The following USP43 variants were observed in gnomAD, a reference collection of about 807,000 sequenced individuals.
The protein encoded by USP43 is ubiquitin carboxyl-terminal hydrolase 43.
USP43 carries 33 observed loss-of-function variants against 90.7 expected under a neutral mutation model. That is an observed-to-expected ratio of 0.36 (90% CI 0.28 to 0.49). USP43 has a LOEUF of 0.49. Among genes scored for constraint, USP43 ranks in the 20% least tolerant of loss-of-function variants. The pLI is 0.98. For synonymous variants in USP43, 598 were observed against 615.8 expected (o/e 0.97, Z 0.43); for missense variants, 1,274 against 1,476.4 (o/e 0.86, Z 2.25).
At position 9,656,421 on chromosome 17, in the gene USP43, G is replaced by A. The variant is rs1247839747; in HGVS notation, c.523G>A (p.Gly175Ser). Reference protein sequence around the residue: ...AEFKNAVSKYGSQFQGNSQHD... With the variant: ...AEFKNAVSKYSSQFQGNSQHD... ...CTTTCAGAATGCAGTTTCCAAGTAC[G>A]GCTCTCAGTTCCAAGGCAATTCCCA... Residue 175 changes from glycine to serine, a missense_variant, in exon 2 of 15, where the codon GGC (glycine) becomes AGC (serine). Physicochemically the swap from Gly to Ser is moderately conservative, Grantham distance 56 (BLOSUM62 0). Around this residue, in one of 6 missense-constraint regions of USP43, gnomAD observed 259 missense variants for 373.7 expected, o/e 0.69. Coordinates refer to ENST00000285199, the MANE Select transcript of USP43 (RefSeq NM_153210.5). 13 of 1,610,774 alleles carry A rather than the reference G, an allele frequency of 8.1e-6. No homozygotes were observed. The highest frequency in any genetic ancestry group is 5.0e-5 in the Admixed American group (3 of 59,530).
intron 2 of USP43, among the ~76,000 whole-genome samples, chr17:9,657,961 A>T (rs185376469): frequency 6.6e-6 from 1 of 152,366 alleles, no homozygotes; most frequent in East Asian, 1.9e-4. Flanking sequence ...ATGAGTGAGC[A>T]AAGTTATTTT....
rs926831788 is a variant in USP43, at chr17:9,709,840, A to G, written c.2012-116A>G. On this transcript the variant is annotated intron_variant, in intron 12 of 14. Transcript: ENST00000285199. This position sits in a 1 kb window ranked among gnomAD's most constrained non-coding sequence, Gnocchi z 5.0. Reference sequence around the variant, plus strand: ...AAAATTCATTTCTGGCCAAAAATGGACTGTTTTTTTCTCATTCTGGTTTAA... The same window carrying G: ...AAAATTCATTTCTGGCCAAAAATGGGCTGTTTTTTTCTCATTCTGGTTTAA... 63 of 1,136,620 alleles carry G rather than the reference A, an allele frequency of 5.5e-5. No homozygotes were observed. Among genetic ancestry groups the G allele is most frequent in the Non-Finnish European group, 7.0e-5 (62 of 883,816 alleles). The allele number at this position is 1,136,620 out of a possible 1,614,324, so 70.4% of individuals were successfully genotyped here. A position where few individuals can be genotyped will look rare whatever the true frequency, so the allele number is the denominator to read the frequency against.
chr17:9,659,278 C>A lies in USP43; in HGVS notation c.636+2744C>A, dbSNP rs73255741. Reference sequence around the variant, plus strand: ...ATGCTTTGCACAATTTATTTCTCTACCTGACACAGAGTAGACAATAAACTC... The same window carrying A: ...ATGCTTTGCACAATTTATTTCTCTAACTGACACAGAGTAGACAATAAACTC... On this transcript the variant is annotated intron_variant, in intron 2 of 14. Transcript: ENST00000285199. Among the ~76,000 whole-genome samples the A allele has an allele frequency of 4.4e-3, 673 of 152,104 alleles. 5 individuals are homozygous for A. Among genetic ancestry groups the A allele is most frequent in the African/African-American group, 0.015 (638 of 41,442 alleles).
intron 14 of USP43, among the ~76,000 whole-genome samples, chr17:9,719,082 C>G (rs1336889740): frequency 6.6e-6 from 1 of 152,056 alleles, no homozygotes; most frequent in South Asian, 2.1e-4. Flanking sequence ...AAGCTGAGCT[C>G]GCACCATTGC....
Position 9,674,126 on chromosome 17 carries a change from A to G in USP43, c.741-765A>G, listed in dbSNP as rs549225499. 1.3e-5 allele frequency among the ~76,000 whole-genome samples: 2 copies of G among 152,232 alleles called. No individual in the cohort carries two copies. The highest frequency in any genetic ancestry group is 1.3e-4 in the Admixed American group (2 of 15,298). ...GGTTCTGGGGCACAGTGAGGCTGAG[A>G]AGCAGGGGAAGAGATGGTCCTGAGA... On this transcript the variant is annotated intron_variant, in intron 3 of 14. Transcript: ENST00000285199. The surrounding 1 kb of genome is among the most constrained non-coding windows in gnomAD (Gnocchi z 4.4).
intron 1 of USP43, chr17:9,647,036 AT>A (rs1911453751): frequency 6.8e-6 from 1 of 147,000 alleles, no homozygotes; most frequent in Non-Finnish European, 1.5e-5. Context: ...GTTCCTGATA[AT>A]TGATGCACAT....
rs143323916 is a variant in USP43 at position 9,678,018 on chromosome 17, T to C, written c.969+1137T>C. Among the ~76,000 whole-genome samples, 381 of 152,218 alleles carry C rather than the reference T, an allele frequency of 2.5e-3. 1 individual carries two copies. Among genetic ancestry groups the C allele is most frequent in the African/African-American group, 8.7e-3 (360 of 41,536 alleles). On this transcript the variant is annotated intron_variant, in intron 5 of 14. Coordinates refer to ENST00000285199, the MANE Select transcript of USP43 (RefSeq NM_153210.5). ...ATGTGTGTATCTTGCTTTGTAAACTTTAAAGTGCACTATGGGGAGTTACTG... is the reference window on the plus strand; with the variant it reads ...ATGTGTGTATCTTGCTTTGTAAACTCTAAAGTGCACTATGGGGAGTTACTG...
intron 1 of USP43, among the ~76,000 whole-genome samples, chr17:9,649,610 T>C (rs1216698687): frequency 6.7e-6 from 1 of 149,096 alleles, no homozygotes; most frequent in Non-Finnish European, 1.5e-5. Flanking sequence ...CTCCCCCTTA[T>C]AGGTGAGAAT....
At chr17:9,694,274 C>T (rs1034415997) in intron 9 of USP43, among the ~76,000 whole-genome samples, 1 of 151,896 alleles carries the variant, frequency 6.6e-6, no homozygotes, top group Non-Finnish European at 1.5e-5. Flanking sequence ...GGTTCTGTGA[C>T]CTACACCCCA....
At chr17:9,663,316 G>A (rs1255278984) in intron 2 of USP43, among the ~76,000 whole-genome samples, 1 of 124,606 alleles carries the variant, frequency 8.0e-6, no homozygotes, top group Admixed American at 8.5e-5. Context: ...TTTTTTTTTT[G>A]AGACAAAGTC....
At chr17:9,679,602 T>C (rs542211958) in intron 5 of USP43, among the ~76,000 whole-genome samples, 76 of 147,184 alleles carry the variant, frequency 5.2e-4, no homozygotes, top group African/African-American at 1.8e-3. Context: ...CTCGGCTCAC[T>C]GCAAGCTCCG....
chr17:9,697,514 CTA>C (rs1915344300), intron 9 of USP43, among the ~76,000 whole-genome samples: 1 of 152,102 alleles, frequency 6.6e-6, no homozygotes, highest in South Asian at 2.1e-4. Flanking sequence ...TGCTCAATAT[CTA>C]TTGTTCCCAT....
rs1194108717 is a variant in USP43, at chr17:9,721,268, T to C, written c.2336-6686T>C. Among the ~76,000 whole-genome samples, 9 of 152,350 alleles carry C rather than the reference T, an allele frequency of 5.9e-5. No individual in the cohort carries two copies. In the East Asian group the frequency reaches 1.7e-3, roughly 29 times the overall value. ...TGATAAGTTTCCTCTATGGCTTTTA[T>C]TGGGCCTCAAAGGTTTTGTTTTTCT... On this transcript the variant is annotated intron_variant, in intron 14 of 14. Coordinates refer to ENST00000285199, the MANE Select transcript of USP43 (RefSeq NM_153210.5).
chr17:9,710,072 C>A lies in USP43; in HGVS notation c.2128C>A (p.Arg710=). 6.4e-7 allele frequency: 1 copy of A among 1,555,680 alleles called. No homozygotes were observed. Among genetic ancestry groups the A allele is most frequent in the Non-Finnish European group, 8.7e-7 (1 of 1,150,752 alleles). ...RGAYILFYQK[R]NSIPPWSASS... is the part of the protein sequence containing the mutation. ...GGCTTATATCCTGTTCTATCAGAAGCGGAACAGCATCCCTCCCTGGTCAGC... is the reference window on the plus strand; with the variant it reads ...GGCTTATATCCTGTTCTATCAGAAGAGGAACAGCATCCCTCCCTGGTCAGC... The change falls in exon 13 of 15, where the codon CGG becomes AGG. Residue 710 remains arginine (R), a synonymous_variant. Coordinates refer to ENST00000285199, the MANE Select transcript of USP43 (RefSeq NM_153210.5).
chr17:9,710,130 C>G lies in USP43; in HGVS notation c.2170+16C>G. The G allele has an allele frequency of 6.8e-7, 1 of 1,474,984 alleles. No individual in the cohort carries two copies. The highest frequency in any genetic ancestry group is 1.5e-5 in the South Asian group (1 of 67,478). 91.4% of individuals were successfully genotyped at this position (1,474,984 alleles called of 1,614,324 possible). On this transcript the variant is annotated intron_variant, in intron 13 of 14. Coordinates refer to ENST00000285199, the MANE Select transcript of USP43 (RefSeq NM_153210.5). Reference sequence around the variant, plus strand: ...TCCATGAGAGGTAGGTGCTGCTGCTCATGACAGGAGGGGGGTGTGGGGAAG... The same window carrying G: ...TCCATGAGAGGTAGGTGCTGCTGCTGATGACAGGAGGGGGGTGTGGGGAAG...
intron 3 of USP43, among the ~76,000 whole-genome samples, chr17:9,671,876 A>G (rs747090792): frequency 6.6e-6 from 1 of 152,156 alleles, no homozygotes; most frequent in Non-Finnish European, 1.5e-5. Flanking sequence ...CTGCCTCTCC[A>G]TCTTCTTCAG....
rs1229525997 is a variant in USP43, at chr17:9,646,078, C to A, written c.446C>A (p.Ala149Glu). ...GRAEVTEQLA[A>E]LVRALWTREY... ...GCCGAGGTCACCGAGCAGCTGGCGG[C>A]GCTGGTGCGCGCGCTCTGGACTCGC... Residue 149 changes from alanine to glutamate, a missense_variant, in exon 1 of 15, where the codon GCG (alanine) becomes GAG (glutamate). Physicochemically the swap from Ala to Glu is moderately radical, Grantham distance 107. Around this residue, in one of 6 missense-constraint regions of USP43, gnomAD observed 259 missense variants for 373.7 expected, o/e 0.69. Transcript: ENST00000285199. 6.6e-7 allele frequency: 1 copy of A among 1,505,850 alleles called. No homozygotes were observed. The highest frequency in any genetic ancestry group is 8.9e-7 in the Non-Finnish European group (1 of 1,127,964). 93.3% of individuals were successfully genotyped at this position (1,505,850 alleles called of 1,614,324 possible). A position where few individuals can be genotyped will look rare whatever the true frequency, so the allele number is the denominator to read the frequency against.
chr17:9,673,412 G>A (rs1913567582), intron 3 of USP43, among the ~76,000 whole-genome samples: 2 of 152,312 alleles, frequency 1.3e-5, no homozygotes, highest in South Asian at 2.1e-4. Flanking sequence ...AGGAGGCTGA[G>A]GCAGGAGAAT....
At chr17:9,693,747 G>A (rs8080118) in intron 9 of USP43, among the ~76,000 whole-genome samples, 2,991 of 152,122 alleles carry the variant, frequency 0.02, 85 homozygotes, top group African/African-American at 0.067. Flanking sequence ...CTGAGGCAGG[G>A]GAATTGCTTG....
Sources: allele counts gnomAD v4.1 joint callset (sites outside exome capture counted in the v4.1 genomes callset), GRCh38; gene constraint gnomAD v4.1.1; regional missense constraint gnomAD v4.1.1; non-coding constraint Gnocchi (gnomAD v3.1); transcripts MANE v1.5; gene names NCBI Gene and HGNC (gene_info 2026-07-23, HGNC 2026-07-21).